Variants in DSG1 observed in about 807,000 individuals in gnomAD.
DSG1 encodes the protein desmoglein 1, also known as desmoglein-1.
In DSG1, 39 loss-of-function variants were observed where a neutral mutation model predicts 97.5. The ratio of observed to expected loss-of-function variants is 0.40; its 90% confidence interval spans 0.31 to 0.52. The LOEUF (loss-of-function observed/expected upper bound fraction) is 0.52. Ranked by LOEUF, DSG1 falls within the 20% of genes least tolerant of loss-of-function variation. The probability of loss-of-function intolerance (pLI) is 0.53; values close to 1 mark genes in which losing one functional copy is unlikely to be tolerated. For synonymous variants in DSG1, 475 were observed against 443.4 expected (o/e 1.07, Z -0.90); for missense variants, 1,311 against 1,295.4 (o/e 1.01, Z -0.18).
At chr18:31,322,614 A>C (rs2071661152) in intron 1 of DSG1, among the ~76,000 whole-genome samples, 1 of 152,250 alleles carries the variant, frequency 6.6e-6, no homozygotes, top group African/African-American at 2.4e-5. Flanking sequence ...AGTACAAAGG[A>C]AAGATAAGAG....
Position 31,333,717 on chromosome 18 carries a change from G to T in DSG1, c.813G>T (p.Gln271His). The T allele has an allele frequency of 1.2e-6, 2 of 1,613,600 alleles. No homozygotes were observed. The highest frequency in any genetic ancestry group is 1.7e-6 in the Non-Finnish European group (2 of 1,179,598). ...ATGATAATATCCCTTACATGGAACA[G>T]TCTTCAGTAAGTATTTGTTCTTGGA... ...DVNDNIPYMEQSSYTIEIQEN... is the reference protein window; with the variant it reads ...DVNDNIPYMEHSSYTIEIQEN... The change falls in exon 7 of 15, where the codon CAG becomes CAT. Residue 271 changes from glutamine to histidine, a missense_variant. Gln to His is a conservative substitution (Grantham distance 24, BLOSUM62 0). Transcript: ENST00000257192.
At chr18:31,328,379 C>T (rs773940417) in intron 4 of DSG1, 35 bp downstream of exon 4, 1 of 1,589,920 alleles carries the variant, frequency 6.3e-7, no homozygotes, top group Non-Finnish European at 8.6e-7. Context: ...TATGTTCATG[C>T]TTAAATTCTT....
chr18:31,328,168 T>C, intron 3 of DSG1, 21 bp from the exon 4 acceptor site: 3 of 1,612,748 alleles, frequency 1.9e-6, no homozygotes, highest in Non-Finnish European at 2.5e-6. Context: ...TCTAATATTT[T>C]TACTTGTGTT....
intron 7 of DSG1, 86 bp downstream of exon 7, chr18:31,333,809 T>G: frequency 6.6e-7 from 1 of 1,512,170 alleles, no homozygotes; most frequent in Non-Finnish European, 9.2e-7. Flanking sequence ...GAGGCACATG[T>G]TATGTTTATT....
intron 6 of DSG1, among the ~76,000 whole-genome samples, chr18:31,332,508 A>T (rs1451446165): frequency 2.0e-5 from 3 of 152,138 alleles, no homozygotes; most frequent in African/African-American, 7.2e-5. Context: ...AATCAGCATT[A>T]TGAGGTTTCT....
Position 31,336,497 on chromosome 18 carries a change from A to G in DSG1, c.1149A>G (p.Pro383=). 8.1e-6 allele frequency: 13 copies of G among 1,614,066 alleles called. No individual in the cohort carries two copies. The highest frequency in any genetic ancestry group is 1.3e-5 in the African/African-American group (1 of 75,052). The change falls in exon 9 of 15, where the codon CCA becomes CCG. Residue 383 remains proline, a synonymous_variant. Coordinates refer to ENST00000257192, the MANE Select transcript of DSG1 (RefSeq NM_001942.4). The stretch of plus-strand genomic sequence containing the variant: ...CTGTGTTAAATGTAATTGAAGGCCC[A>G]GTGTTTCGTCCAGGTTCAAAGACAT... ...SVTVLNVIEG[P]VFRPGSKTYV... is the part of the protein sequence containing the mutation.
Position 31,336,425 on chromosome 18 carries a change from T to C in DSG1, c.1077T>C (p.His359=), listed in dbSNP as rs768076202. 1.2e-6 allele frequency: 2 copies of C among 1,613,940 alleles called. No individual in the cohort carries two copies. Among genetic ancestry groups the C allele is most frequent in the Non-Finnish European group, 1.7e-6 (2 of 1,179,860 alleles). Residue 359 remains histidine (H), a synonymous_variant, in exon 9 of 15, where the codon CAT becomes CAC. Transcript: ENST00000257192. ...IGVRNKAEFH[H]SIMSQYKLKA... ...TCAGAAATAAAGCTGAATTTCATCATTCAATTATGTCTCAATATAAACTGA... is the reference window on the plus strand; with the variant it reads ...TCAGAAATAAAGCTGAATTTCATCACTCAATTATGTCTCAATATAAACTGA...
chr18:31,326,435 C>A, intron 1 of DSG1, 146 bp from the exon 2 acceptor site: 2 of 653,628 alleles, frequency 3.1e-6, no homozygotes, highest in Non-Finnish European at 2.6e-6. Context: ...AAGACATAAA[C>A]CAAATCCACC....
Position 31,329,980 on chromosome 18 carries a change from C to T in DSG1, c.461C>T (p.Pro154Leu), listed in dbSNP as rs760202888. The T allele has an allele frequency of 6.2e-7, 1 of 1,613,306 alleles. No homozygotes were observed. The highest frequency in any genetic ancestry group is 8.5e-7 in the Non-Finnish European group (1 of 1,179,406). ...AGGGTTTTGGATATAAATGACAACC[C>T]TCCAGTGTTTTCAATGGCTACATTT... ...RVRVLDINDN[P>L]PVFSMATFAG... Residue 154 changes from proline to leucine, a missense_variant, in exon 5 of 15, where the codon CCT becomes CTT. Pro to Leu is a moderately conservative substitution (Grantham distance 98). This residue lies in a region of DSG1 where 259 missense variants were observed against 304.1 expected (regional missense o/e 0.85). Coordinates refer to ENST00000257192, the MANE Select transcript of DSG1 (RefSeq NM_001942.4).
At chr18:31,342,525 C>A (rs1433507573) in intron 11 of DSG1, among the ~76,000 whole-genome samples, 2 of 151,910 alleles carry the variant, frequency 1.3e-5, no homozygotes, top group African/African-American at 4.8e-5. Flanking sequence ...TCCATTTATT[C>A]AAAACCATTT....
At chr18:31,348,256 A>G (rs2071859992) in intron 14 of DSG1, among the ~76,000 whole-genome samples, 1 of 150,350 alleles carries the variant, frequency 6.7e-6, no homozygotes, top group African/African-American at 2.5e-5. Flanking sequence ...ACTGAGAATG[A>G]TGATTTCCAA....
intron 14 of DSG1, among the ~76,000 whole-genome samples, chr18:31,352,073 T>A (rs2071902035): frequency 6.6e-6 from 1 of 152,114 alleles, no homozygotes; most frequent in African/African-American, 2.4e-5. Context: ...CTCGATGGTC[T>A]TTACATTTTG....
Position 31,355,309 on chromosome 18 carries a change from G to T in DSG1, c.3113G>T (p.Arg1038Leu), listed in dbSNP as rs370813362. 1.2e-6 allele frequency: 2 copies of T among 1,614,152 alleles called. No individual in the cohort carries two copies. Among genetic ancestry groups the T allele is most frequent in the Admixed American group, 1.7e-5 (1 of 60,022 alleles). ...GSASPSTARS[R>L]ITKYSTVQYS... The stretch of plus-strand genomic sequence containing the variant: ...GCCTCCCCTAGCACAGCTCGAAGTC[G>T]AATCACAAAGTATAGTACCGTGCAA... Residue 1038 changes from arginine to leucine, a missense_variant, in exon 15 of 15, where the codon CGA becomes CTA. By Grantham distance (102) the Arg-to-Leu change is moderately radical (BLOSUM62 -2). This residue lies in a region of DSG1 where 1,038 missense variants were observed against 964.6 expected (regional missense o/e 1.08). Transcript: ENST00000257192.
intron 1 of DSG1, among the ~76,000 whole-genome samples, chr18:31,319,722 A>G (rs1264351060): frequency 6.6e-6 from 1 of 152,192 alleles, no homozygotes; most frequent in Non-Finnish European, 1.5e-5. Context: ...ATAGGTGTAC[A>G]CTAACTTTCA....
Position 31,354,774 on chromosome 18 carries a change from T to C in DSG1, c.2578T>C (p.Ser860Pro). The C allele has an allele frequency of 6.2e-7, 1 of 1,614,100 alleles. No individual in the cohort carries two copies. The highest frequency in any genetic ancestry group is 2.2e-5 in the East Asian group (1 of 44,876). The change falls in exon 15 of 15, where the codon TCA (serine) becomes CCA (proline). Residue 860 changes from serine (S) to proline (P), a missense_variant. Around this residue, in one of 3 missense-constraint regions of DSG1, gnomAD observed 1,038 missense variants for 964.6 expected, o/e 1.08. Coordinates refer to ENST00000257192, the MANE Select transcript of DSG1 (RefSeq NM_001942.4). ...SVHVHDNRPA[S>P]NVVVTERVVG... ...GCACGTTCACGATAACCGACCAGCA[T>C]CAAACGTGGTAGTGACAGAGAGAGT...
At chr18:31,344,102 A>G in intron 13 of DSG1, 107 bp downstream of exon 13, 1 of 842,404 alleles carries the variant, frequency 1.2e-6, no homozygotes, top group South Asian at 1.6e-5. Context: ...AAAAGTGTTT[A>G]TATCATTCTT....
At position 31,344,145 on chromosome 18, in the gene DSG1, A is replaced by G. The variant is rs1485805887; in HGVS notation, c.1891+150A>G. ...TGACTAACTTGTAAATTAAATGGCA[A>G]GGAAAAACCTATGGTAATTATTATT... On this transcript the variant is annotated intron_variant, in intron 13 of 14. Coordinates refer to ENST00000257192, the MANE Select transcript of DSG1 (RefSeq NM_001942.4). 3 of 679,804 alleles carry G rather than the reference A, an allele frequency of 4.4e-6. No individual in the cohort carries two copies. In the East Asian group the frequency reaches 8.2e-5, roughly 19 times the overall value. The allele number at this position is 679,804 out of a possible 1,614,324, so 42.1% of individuals were successfully genotyped here.
At chr18:31,343,678 C>A in intron 12 of DSG1, 95 bp downstream of exon 12, 1 of 1,565,072 alleles carries the variant, frequency 6.4e-7, no homozygotes, top group Non-Finnish European at 8.8e-7. Flanking sequence ...ACAGTCTATG[C>A]TGTTTTTTGT....
At chr18:31,353,505 G>A (rs374853227) in intron 14 of DSG1, among the ~76,000 whole-genome samples, 2 of 152,152 alleles carry the variant, frequency 1.3e-5, no homozygotes, top group African/African-American at 4.8e-5. Context: ...CACCCAGTTC[G>A]AGCTTCCTGT....
Sources: gnomAD v4.1 joint callset for allele counts (sites outside exome capture counted in the v4.1 genomes callset) on GRCh38, gnomAD v4.1.1 for gene constraint, gnomAD v4.1.1 regional missense constraint, MANE v1.5 for transcripts, NCBI Gene and HGNC (gene_info 2026-07-23, HGNC 2026-07-21) for gene names.